The following ANKS1A variants were observed in gnomAD, a reference collection of about 807,000 sequenced individuals.
ANKS1A encodes ankyrin repeat and sterile alpha motif domain containing 1A.
A neutral mutation model predicts 120.3 loss-of-function variants in ANKS1A; 55 were observed. The ratio of observed to expected loss-of-function variants is 0.46; its 90% CI spans 0.37 to 0.57. The LOEUF (loss-of-function observed/expected upper bound fraction) is 0.57. Ranked by LOEUF, ANKS1A falls within the 20% of genes least tolerant of loss-of-function variation. ANKS1A has a pLI of 0.00. For synonymous variants in ANKS1A, 590 were observed against 604.7 expected (o/e 0.98, Z 0.36); for missense variants, 1,123 against 1,480.3 (o/e 0.76, Z 3.96).
At chr6:35,015,804 G>A (rs763493540) in intron 10 of ANKS1A, among the ~76,000 whole-genome samples, 19 of 152,220 alleles carry the variant, frequency 1.2e-4, no homozygotes, top group South Asian at 1.0e-3. Context: ...GGAGAGTAGC[G>A]TCATGCTTGG....
intron 1 of ANKS1A, among the ~76,000 whole-genome samples, chr6:34,963,716 A>G (rs1417069674): frequency 6.6e-6 from 1 of 152,186 alleles, no homozygotes; most frequent in Non-Finnish European, 1.5e-5. Context: ...AAATGGCTGT[A>G]CTAATTTTTG....
chr6:34,923,473 T>C (rs1436902959), intron 1 of ANKS1A, among the ~76,000 whole-genome samples: 1 of 152,196 alleles, frequency 6.6e-6, no homozygotes, highest in Non-Finnish European at 1.5e-5. Context: ...TTAGTAGTTA[T>C]CACATATTGA....
intron 13 of ANKS1A, among the ~76,000 whole-genome samples, chr6:35,062,976 G>A (rs1319348482): frequency 6.6e-6 from 1 of 152,158 alleles, no homozygotes; most frequent in Non-Finnish European, 1.5e-5. Context: ...GAAAATTGAA[G>A]ACCTCTGCCC....
intron 1 of ANKS1A, among the ~76,000 whole-genome samples, chr6:34,942,883 C>T (rs1339942504): frequency 1.3e-5 from 2 of 149,960 alleles, no homozygotes; most frequent in Non-Finnish European, 3.0e-5. Context: ...TTTTCCCTTT[C>T]CTTTCCTTTT....
chr6:34,980,367 A>G (rs1771842192), intron 3 of ANKS1A, among the ~76,000 whole-genome samples: 1 of 152,172 alleles, frequency 6.6e-6, no homozygotes, highest in South Asian at 2.1e-4. Flanking sequence ...TTTCTTTGCC[A>G]TCGTTCTCAC....
chr6:35,030,922 C>T (rs567460022), intron 11 of ANKS1A, among the ~76,000 whole-genome samples: 2 of 152,164 alleles, frequency 1.3e-5, no homozygotes, highest in Non-Finnish European at 2.9e-5. Flanking sequence ...AATCGTATGA[C>T]ATTGTTACAG....
chr6:34,950,654 G>A (rs986439193), intron 1 of ANKS1A, among the ~76,000 whole-genome samples: 24 of 152,138 alleles, frequency 1.6e-4, no homozygotes, highest in Non-Finnish European at 1.5e-4. Context: ...GGTAGAAAGC[G>A]ACTTAAAGGA....
Position 34,995,567 on chromosome 6 carries a change from C to T in ANKS1A, c.1423+1145C>T, listed in dbSNP as rs541144168. ...TTTTTCCATGTTCTTTTGTAGTCAA[C>T]CCCTCTACCTTCCCTTATTTCTCAC... On this transcript the variant is annotated intron_variant, in intron 10 of 23. Transcript: ENST00000360359. Among the ~76,000 whole-genome samples, 15 of 152,208 alleles carry T rather than the reference C, an allele frequency of 9.9e-5. No homozygotes were observed. The East Asian group carries it at 2.5e-3, about 25-fold the overall frequency.
intron 12 of ANKS1A, among the ~76,000 whole-genome samples, chr6:35,055,335 T>G (rs1219228353): frequency 6.6e-6 from 1 of 150,880 alleles, no homozygotes; most frequent in Non-Finnish European, 1.5e-5. Flanking sequence ...AAAAAAAAAT[T>G]TTTTTTTTTT....
chr6:35,066,603 G>A (rs994047670), intron 13 of ANKS1A, among the ~76,000 whole-genome samples: 2 of 152,098 alleles, frequency 1.3e-5, no homozygotes, highest in African/African-American at 2.4e-5. Context: ...CCAAACCCAT[G>A]TGCTGTCATA....
Position 34,983,335 on chromosome 6 carries a change from G to A in ANKS1A, c.922G>A (p.Gly308Arg), listed in dbSNP as rs1198921062. 1.9e-6 allele frequency: 3 copies of A among 1,613,732 alleles called. No homozygotes were observed. The South Asian group carries it at 3.3e-5, about 18-fold the overall frequency. ...ATCTTTCCATGTAGATCACATGACT[G>A]GAAAAAGAAGTACAAAAGAAGTAGA... is the stretch of plus-strand genomic sequence containing the variant. ...IAALIEDHMT[G>R]KRSTKEVDKT... Residue 308 changes from glycine to arginine, a missense_variant, in exon 7 of 24, where the codon GGA becomes AGA. Physicochemically the swap from Gly to Arg is moderately radical, Grantham distance 125. This residue lies in a region of ANKS1A where 904 missense variants were observed against 1,130.4 expected (regional missense o/e 0.80). Transcript: ENST00000360359.
At chr6:34,985,013 G>C in intron 7 of ANKS1A, 69 bp from the exon 8 acceptor site, 2 of 1,470,520 alleles carry the variant, frequency 1.4e-6, no homozygotes, top group Non-Finnish European at 1.9e-6. Flanking sequence ...GCTTTGGGTT[G>C]CTGCAGTGGT....
chr6:34,961,353 A>C (rs573644273), intron 1 of ANKS1A, among the ~76,000 whole-genome samples: 98 of 152,248 alleles, frequency 6.4e-4, no homozygotes, highest in African/African-American at 2.3e-3. Context: ...TGAAATACCA[A>C]ACAAGGAGAT....
In ANKS1A at chr6:35,091,131, T is replaced by C. The variant is rs1778283854; in HGVS notation, c.*2522T>C. The stretch of plus-strand genomic sequence containing the variant: ...GGTGTGGCAATGGACTGAACTGTAA[T>C]GAAAATGTTATTTAATCTTTGTCTC... On this transcript the variant is annotated 3_prime_UTR_variant, in exon 24 of 24. Coordinates refer to ENST00000360359, the MANE Select transcript of ANKS1A (RefSeq NM_015245.3). The C allele has an allele frequency of 1.0e-6, 1 of 985,922 alleles. No homozygotes were observed. Among genetic ancestry groups the C allele is most frequent in the Non-Finnish European group, 1.2e-6 (1 of 829,944 alleles). 61.1% of individuals were successfully genotyped at this position (985,922 alleles called of 1,614,324 possible).
chr6:35,032,247 G>T (rs1466234650), intron 11 of ANKS1A, among the ~76,000 whole-genome samples: 2 of 152,228 alleles, frequency 1.3e-5, no homozygotes, highest in African/African-American at 4.8e-5. Context: ...CTGCAGTCAG[G>T]CTTAGGGAGG....
chr6:34,896,953 G>T (rs896938937), intron 1 of ANKS1A, among the ~76,000 whole-genome samples: 6 of 152,050 alleles, frequency 3.9e-5, no homozygotes, highest in African/African-American at 1.2e-4. Flanking sequence ...AAAAAAGAGC[G>T]AAACTCCATC....
In ANKS1A at chr6:35,082,616, G is replaced by A. The variant is rs1777745819; in HGVS notation, c.2710-75G>A. On this transcript the variant is annotated intron_variant, in intron 17 of 23. Transcript: ENST00000360359. The surrounding 1 kb of genome is among the most constrained non-coding windows in gnomAD (Gnocchi z 4.1). The stretch of plus-strand genomic sequence containing the variant: ...GTCACTGGCATCTTCACCCTTGAGT[G>A]TGCTGGAGCCAGGCAGCAAGCCCAT... The A allele has an allele frequency of 9.2e-6, 14 of 1,522,102 alleles. No homozygotes were observed. Among genetic ancestry groups the A allele is most frequent in the Non-Finnish European group, 1.1e-5 (12 of 1,134,610 alleles). The allele number at this position is 1,522,102 out of a possible 1,614,324, so 94.3% of individuals were successfully genotyped here.
intron 1 of ANKS1A, among the ~76,000 whole-genome samples, chr6:34,911,137 T>C (rs1364084548): frequency 2.6e-5 from 4 of 152,206 alleles, no homozygotes; most frequent in Non-Finnish European, 4.4e-5. Flanking sequence ...GTCAAACTTT[T>C]GGTTTATCTT....
In ANKS1A at chr6:34,889,576, C is replaced by A; in HGVS notation, c.174C>A (p.Ser58Arg). The change falls in exon 1 of 24, where the codon AGC becomes AGA. Residue 58 changes from serine to arginine, a missense_variant. By Grantham distance (110) the Ser-to-Arg change is moderately radical (BLOSUM62 -1). Transcript: ENST00000360359. This position sits in a 1 kb window ranked among gnomAD's most constrained non-coding sequence, Gnocchi z 5.5. ...GGGGGGLGSS[S>R]HPLSSLLSMW... ...GCGGCGGCGGCCTCGGCTCTTCCAG[C>A]CACCCCCTCTCCAGTCTGCTCAGGT... The A allele has an allele frequency of 7.7e-7, 1 of 1,294,020 alleles. No individual in the cohort carries two copies. Among genetic ancestry groups the A allele is most frequent in the Non-Finnish European group, 9.7e-7 (1 of 1,031,274 alleles). 80.2% of individuals were successfully genotyped at this position (1,294,020 alleles called of 1,614,324 possible). A position where few individuals can be genotyped will look rare whatever the true frequency, so the allele number is the denominator to read the frequency against.
Sources: gnomAD v4.1 joint callset for allele counts (sites outside exome capture counted in the v4.1 genomes callset) on GRCh38, gnomAD v4.1.1 for gene constraint, gnomAD v4.1.1 regional missense constraint, Gnocchi (gnomAD v3.1) non-coding constraint, MANE v1.5 for transcripts, NCBI Gene and HGNC (gene_info 2026-07-23, HGNC 2026-07-21) for gene names.